Variants in SLC12A7 observed in about 807,000 individuals in gnomAD.
The protein encoded by SLC12A7 is K-Cl cotransporter 4.
SLC12A7 carries 100 observed loss-of-function variants against 120.6 expected under a neutral mutation model. The ratio of observed to expected loss-of-function variants is 0.83; its 90% CI spans 0.71 to 0.98. The LOEUF is 0.98. Ranked by LOEUF, SLC12A7 falls within the 50% of genes least tolerant of loss-of-function variation. SLC12A7 has a pLI of 0.00. For missense variants in SLC12A7, 1,373 were observed against 1,548.1 expected (o/e 0.89, Z 1.90); for synonymous variants, 760 against 678.0 (o/e 1.12, Z -1.88).
At chr5:1,097,937 C>G (rs59081716) in intron 1 of SLC12A7, among the ~76,000 whole-genome samples, 31,132 of 151,838 alleles carry the variant, frequency 0.21, 3,835 homozygotes, top group East Asian at 0.35. Flanking sequence ...TTGGGAGTGC[C>G]CACAAACGTT....
chr5:1,059,766 G>A (rs574808388), intron 21 of SLC12A7, among the ~76,000 whole-genome samples: 1 of 138,576 alleles, frequency 7.2e-6, no homozygotes, highest in Admixed American at 7.1e-5. Context: ...GTCGGGGGGT[G>A]GGGGGTGGGG....
chr5:1,144,639 C>T, the SLC12A7 span, among the ~76,000 whole-genome samples: 157 of 152,308 alleles, frequency 1.0e-3, no homozygotes, highest in Non-Finnish European at 1.7e-3. Flanking sequence ...ACCAGCGGAC[C>T]GCACCACACT....
At chr5:1,093,244 C>T (rs186465201) in intron 3 of SLC12A7, among the ~76,000 whole-genome samples, 7 of 152,264 alleles carry the variant, frequency 4.6e-5, no homozygotes, top group East Asian at 1.9e-4. Context: ...GGGATGGGGC[C>T]GCTCCCGCAG....
At chr5:1,074,023 G>T (rs114661927) in intron 16 of SLC12A7, among the ~76,000 whole-genome samples, 2,851 of 152,266 alleles carry the variant, frequency 0.019, 94 homozygotes, top group African/African-American at 0.065. Context: ...GGCCACAGAA[G>T]CCAGGTGGGA....
At chr5:1,108,303 G>A (rs923574256) in intron 1 of SLC12A7, among the ~76,000 whole-genome samples, 6 of 152,242 alleles carry the variant, frequency 3.9e-5, no homozygotes, top group Admixed American at 6.5e-5. Flanking sequence ...GGAAGCACAG[G>A]CCCCGGCCTG....
intron 8 of SLC12A7, among the ~76,000 whole-genome samples, chr5:1,083,096 T>G (rs1739392016): frequency 6.7e-6 from 1 of 148,810 alleles, no homozygotes; most frequent in South Asian, 2.1e-4. Flanking sequence ...GGGCTTCCTC[T>G]CTAGGGTTCT....
the SLC12A7 span, among the ~76,000 whole-genome samples, chr5:1,144,837 G>A: frequency 6.6e-6 from 1 of 152,248 alleles, no homozygotes; most frequent in South Asian, 2.1e-4. Flanking sequence ...TGCCATCCCG[G>A]CTGCGCATGC....
rs201840264 is a variant in SLC12A7 at position 1,057,626 on chromosome 5, G to A, written c.2871C>T (p.Asn957=). ...EREAQLIHDR[N]TASHTAAAAR... ...CTGCCGCCGCGGTGTGGGACGCGGT[G>A]TTCCTGTCGTGGATCAGCTGGGCCT... The change falls in exon 22 of 24, where the codon AAC becomes AAT. Residue 957 remains asparagine, a synonymous_variant. Coordinates refer to ENST00000264930, the MANE Select transcript of SLC12A7 (RefSeq NM_006598.3). 61 of 1,602,176 alleles carry A rather than the reference G, an allele frequency of 3.8e-5. No homozygotes were observed. In the African/African-American group the frequency reaches 7.5e-4, roughly 20 times the overall value.
chr5:1,073,951 G>A, intron 16 of SLC12A7, 150 bp from the exon 17 acceptor site: 1 of 711,480 alleles, frequency 1.4e-6, no homozygotes, highest in Middle Eastern at 2.8e-4. Flanking sequence ...AGGGGCAGGT[G>A]ACAGATGGGA....
upstream of SLC12A7, among the ~76,000 whole-genome samples, chr5:1,116,866 G>A (rs543286728): frequency 4.6e-5 from 7 of 152,156 alleles, no homozygotes; most frequent in Middle Eastern, 3.4e-3. Context: ...GTTTGCTGTC[G>A]GCTCAGGGGG....
At chr5:1,147,810 A>G in the SLC12A7 span, among the ~76,000 whole-genome samples, 3 of 151,714 alleles carry the variant, frequency 2.0e-5, no homozygotes, top group Non-Finnish European at 4.4e-5. Flanking sequence ...TATCTCAATC[A>G]CAGCTCATTG....
chr5:1,069,055 T>C (rs1737356742), intron 17 of SLC12A7, among the ~76,000 whole-genome samples: 2 of 152,156 alleles, frequency 1.3e-5, no homozygotes, highest in African/African-American at 4.8e-5. Context: ...AAAACCACGA[T>C]ACCTAAATCC....
intron 7 of SLC12A7, 61 bp from the exon 8 acceptor site, chr5:1,084,017 C>T (rs1561076736): frequency 4.2e-6 from 6 of 1,444,750 alleles, no homozygotes; most frequent in Non-Finnish European, 5.7e-6. Context: ...TACTGCCCCA[C>T]CCAGCTCCCC....
At position 1,085,359 on chromosome 5, in the gene SLC12A7, G is replaced by A. The variant is rs2150860700; in HGVS notation, c.790C>T (p.Leu264=). The change falls in exon 7 of 24, where the codon CTG becomes TTG. Residue 264 remains leucine (L), a synonymous_variant. Transcript: ENST00000264930. ...YGTCTLVLMA[L]VVFVGVKYVN... ...TACTTGACGCCCACGAAGACCACCAGGGCCATGAGCACGAGCGTGCACGTG... is the reference window on the plus strand; with the variant it reads ...TACTTGACGCCCACGAAGACCACCAAGGCCATGAGCACGAGCGTGCACGTG... The A allele has an allele frequency of 1.2e-6, 2 of 1,612,542 alleles. No homozygotes were observed. The highest frequency in any genetic ancestry group is 2.2e-5 in the East Asian group (1 of 44,862).
intron 1 of SLC12A7, among the ~76,000 whole-genome samples, chr5:1,108,565 G>A (rs1742741677): frequency 6.6e-6 from 1 of 152,080 alleles, no homozygotes. Context: ...TGAAATCTGG[G>A]CACAACGAGA....
the SLC12A7 span, among the ~76,000 whole-genome samples, chr5:1,129,088 G>T: frequency 1.3e-5 from 2 of 152,156 alleles, no homozygotes; most frequent in Non-Finnish European, 2.9e-5. Flanking sequence ...AAGTCTGATG[G>T]CCTCTAGAAG....
chr5:1,079,868 G>T (rs1292348733), intron 9 of SLC12A7, among the ~76,000 whole-genome samples: 2 of 152,202 alleles, frequency 1.3e-5, no homozygotes, highest in Non-Finnish European at 2.9e-5. Context: ...AAGGACTTTG[G>T]GAATGAGATC....
At chr5:1,063,787 CCCCCACCTCCT>C (rs1646330219) in intron 20 of SLC12A7, 46 bp downstream of exon 20, 1 of 278,936 alleles carries the variant, frequency 3.6e-6, no homozygotes, top group Non-Finnish European at 6.6e-6. Context: ...CCCGGGCCGC[CCCCCACCTCCT>C]CCCCACCTCC....
chr5:1,126,460 GT>G, the SLC12A7 span, among the ~76,000 whole-genome samples: 6 of 152,216 alleles, frequency 3.9e-5, no homozygotes, highest in East Asian at 1.9e-4. Context: ...AAATTGTTTA[GT>G]TTTTTTCTTC....
Sources: allele counts gnomAD v4.1 joint callset (sites outside exome capture counted in the v4.1 genomes callset), GRCh38; gene constraint gnomAD v4.1.1; transcripts MANE v1.5; gene names NCBI Gene and HGNC (gene_info 2026-07-23, HGNC 2026-07-21).